The following IL1RAPL1 variants were observed in gnomAD, a reference collection of about 807,000 sequenced individuals.
The protein encoded by IL1RAPL1 is interleukin 1 receptor accessory protein like 1, also known as interleukin-1 receptor accessory protein-like 1.
IL1RAPL1 carries 3 observed loss-of-function variants against 48.4 expected under a neutral mutation model. The observed-to-expected ratio is 0.06, with a 90% CI of 0.03 to 0.16. The LOEUF (loss-of-function observed/expected upper bound fraction) is 0.16. Ranked by LOEUF, IL1RAPL1 falls within the 10% of genes least tolerant of loss-of-function variation. The pLI, the probability that IL1RAPL1 is intolerant of heterozygous loss-of-function variation, is 1.00. For synonymous variants in IL1RAPL1, 185 were observed against 187.7 expected (o/e 0.99, Z 0.12); for missense variants, 349 against 530.6 (o/e 0.66, Z 3.36).
At chrX:28,609,752 C>G (rs1475623080) in intron 1 of IL1RAPL1, among the ~76,000 whole-genome samples, 1 of 109,770 alleles carries the variant, frequency 9.1e-6, no homozygotes, top group East Asian at 2.9e-4. Flanking sequence ...AGATATATCT[C>G]TTGTTTTAAC....
chrX:28,808,690 G>A (rs952372220), intron 2 of IL1RAPL1, among the ~76,000 whole-genome samples: 1 of 110,524 alleles, frequency 9.0e-6, no homozygotes, highest in Non-Finnish European at 1.9e-5. Context: ...AATATTTTTT[G>A]GAAAACAAAT....
intron 2 of IL1RAPL1, among the ~76,000 whole-genome samples, chrX:29,275,492 C>A (rs1932105111): frequency 8.9e-6 from 1 of 112,002 alleles, no homozygotes; most frequent in African/African-American, 3.2e-5. Context: ...CATTGGCTTG[C>A]AATTTTCTCT....
At chrX:28,821,110 C>A (rs781107066) in intron 2 of IL1RAPL1, among the ~76,000 whole-genome samples, 15 of 111,460 alleles carry the variant, frequency 1.3e-4, no homozygotes, top group Non-Finnish European at 2.5e-4. Flanking sequence ...CCAATGCCTG[C>A]ATTTTTAAAA....
intron 5 of IL1RAPL1, among the ~76,000 whole-genome samples, chrX:29,644,652 C>T (rs371330657): frequency 2.7e-5 from 3 of 110,959 alleles, no homozygotes; most frequent in East Asian, 5.6e-4. Flanking sequence ...CTGCAACCTC[C>T]GCCTCCCATG....
chrX:29,436,270 T>C (rs1335605210), intron 5 of IL1RAPL1, among the ~76,000 whole-genome samples: 1 of 110,517 alleles, frequency 9.0e-6, no homozygotes, highest in Non-Finnish European at 1.9e-5. Context: ...GATTATATTA[T>C]AGTAATTTTC....
At chrX:28,968,651 A>C (rs1011621590) in intron 2 of IL1RAPL1, among the ~76,000 whole-genome samples, 13 of 112,843 alleles carry the variant, frequency 1.2e-4, no homozygotes, top group Non-Finnish European at 2.1e-4. Context: ...AAGGAAAATA[A>C]ATTTCAAATA....
At chrX:29,503,622 A>G (rs1361470246) in intron 5 of IL1RAPL1, among the ~76,000 whole-genome samples, 1 of 111,095 alleles carries the variant, frequency 9.0e-6, no homozygotes, top group African/African-American at 3.3e-5. Context: ...ATCATTCCAG[A>G]GCATGTTGCT....
In IL1RAPL1 at chrX:29,802,765, ATATATATATATATATATGTGTGTGTG is replaced by A. The variant is rs1209627710; in HGVS notation, c.779-114681_779-114656del. Among the ~76,000 whole-genome samples the A allele has an allele frequency of 4.9e-4, 13 of 26,712 alleles. 1 individual carries two copies. The highest frequency in any genetic ancestry group is 3.0e-3 in the African/African-American group (13 of 4,327). The allele number at this position is 26,712 out of a possible 115,157, so 23.2% of individuals were successfully genotyped here. On this transcript the variant is annotated intron_variant, in intron 6 of 10. Transcript: ENST00000378993. ...GAAAAAATTATATATATATATATATATATATATATATATATATGTGTGTGTGTATATATATATATATATATGTGTGT... is the reference window on the plus strand; with the variant it reads ...GAAAAAATTATATATATATATATATATATATATATATATATATATGTGTGT...
chrX:29,563,205 ATG>A (rs3069533), intron 5 of IL1RAPL1, among the ~76,000 whole-genome samples: 1 of 69,022 alleles, frequency 1.4e-5, no homozygotes, highest in South Asian at 8.1e-4. Context: ...TAATGTTCTC[ATG>A]TGCAGTTTTA....
intron 1 of IL1RAPL1, among the ~76,000 whole-genome samples, chrX:28,737,200 T>TC (rs1569161912): frequency 2.8e-4 from 21 of 75,721 alleles, no homozygotes; most frequent in African/African-American, 1.1e-3. Flanking sequence ...TCTCTTTCTT[T>TC]CTTTCTCTTT....
intron 1 of IL1RAPL1, among the ~76,000 whole-genome samples, chrX:28,613,204 ACTAAAAAT>A (rs1934173644): frequency 8.9e-6 from 1 of 112,549 alleles, no homozygotes; most frequent in South Asian, 3.7e-4. Context: ...TTAGACTTAA[ACTAAAAAT>A]CTTCTGTTAA....
At chrX:29,650,815 GA>G (rs766134230) in intron 5 of IL1RAPL1, among the ~76,000 whole-genome samples, 2 of 109,552 alleles carry the variant, frequency 1.8e-5, no homozygotes, top group East Asian at 5.8e-4. Flanking sequence ...CACAGCAAAA[GA>G]AAAAATCAAT....
At chrX:29,183,888 T>G (rs375511632) in intron 2 of IL1RAPL1, among the ~76,000 whole-genome samples, 2 of 111,643 alleles carry the variant, frequency 1.8e-5, no homozygotes, top group East Asian at 5.7e-4. Context: ...GAAATGGGTT[T>G]TCACCATGTT....
chrX:28,769,649 A>C (rs775527553), intron 1 of IL1RAPL1, among the ~76,000 whole-genome samples: 3 of 111,615 alleles, frequency 2.7e-5, no homozygotes, highest in Non-Finnish European at 5.6e-5. Flanking sequence ...AGAGTATGAC[A>C]CAGTGAGTAT....
chrX:29,414,222 G>A (rs5973678), intron 5 of IL1RAPL1, among the ~76,000 whole-genome samples: 40,975 of 109,360 alleles, frequency 0.37, 6,406 homozygotes, highest in Admixed American at 0.53. Flanking sequence ...TCAGTAGTTA[G>A]CAGAGATTCA....
intron 2 of IL1RAPL1, among the ~76,000 whole-genome samples, chrX:29,037,025 T>G (rs1279015188): frequency 8.9e-6 from 1 of 112,210 alleles, no homozygotes; most frequent in Non-Finnish European, 1.9e-5. Context: ...AAATAGCTCT[T>G]GCTATTAATA....
intron 5 of IL1RAPL1, among the ~76,000 whole-genome samples, chrX:29,502,670 A>G (rs893518171): frequency 9.0e-6 from 1 of 111,487 alleles, no homozygotes; most frequent in African/African-American, 3.3e-5. Flanking sequence ...ACACTTGATC[A>G]TGGTGAATGA....
At chrX:29,583,004 C>T (rs1602309438) in intron 5 of IL1RAPL1, among the ~76,000 whole-genome samples, 1 of 89,945 alleles carries the variant, frequency 1.1e-5, no homozygotes, top group East Asian at 3.7e-4. Flanking sequence ...GTTTACAGTC[C>T]CACCAACAGT....
chrX:29,862,641 T>C (rs1363578934), intron 6 of IL1RAPL1, among the ~76,000 whole-genome samples: 1 of 111,538 alleles, frequency 9.0e-6, no homozygotes, highest in East Asian at 2.8e-4. Context: ...AAACGCAGCC[T>C]AATTTTCATT....
Sources: allele counts gnomAD v4.1 joint callset (sites outside exome capture counted in the v4.1 genomes callset), GRCh38; gene constraint gnomAD v4.1.1; transcripts MANE v1.5; gene names NCBI Gene and HGNC (gene_info 2026-07-23, HGNC 2026-07-21).